Variants in RAPGEF5 observed in about 807,000 individuals in gnomAD.
The protein encoded by RAPGEF5 is Rap guanine nucleotide exchange factor 5.
In RAPGEF5, 65 loss-of-function variants were observed where a neutral mutation model predicts 125.2. The observed-to-expected ratio is 0.52, with a 90% CI of 0.43 to 0.64. RAPGEF5 has a LOEUF of 0.64. Ranked by LOEUF, RAPGEF5 falls within the 30% of genes least tolerant of loss-of-function variation. The pLI is 0.00. For missense variants in RAPGEF5, 958 were observed against 1,048.1 expected, an observed-to-expected ratio of 0.91 and a Z score of 1.19; for synonymous variants, 391 against 385.9, an observed-to-expected ratio of 1.01 and a Z score of -0.16.
chr7:22,343,513 A>AG (rs1784167107), intron 1 of RAPGEF5, among the ~76,000 whole-genome samples: 1 of 152,180 alleles, frequency 6.6e-6, no homozygotes, highest in Admixed American at 6.5e-5. Flanking sequence ...CCCAACCTTT[A>AG]CCACCCCAAT....
At chr7:22,312,132 C>T (rs2128153492) in intron 3 of RAPGEF5, among the ~76,000 whole-genome samples, 1 of 152,186 alleles carries the variant, frequency 6.6e-6, no homozygotes, top group African/African-American at 2.4e-5. Flanking sequence ...CAAAACTCTG[C>T]TTAGGAGTCA....
chr7:22,264,307 C>G (rs768353171), intron 7 of RAPGEF5, among the ~76,000 whole-genome samples: 7 of 152,200 alleles, frequency 4.6e-5, no homozygotes, highest in Non-Finnish European at 7.3e-5. Flanking sequence ...ATGTCCCCAT[C>G]ATTAGTACAA....
At chr7:22,124,967 A>T (rs192370482) in intron 25 of RAPGEF5, among the ~76,000 whole-genome samples, 1 of 152,178 alleles carries the variant, frequency 6.6e-6, no homozygotes, top group East Asian at 1.9e-4. Context: ...CTTCAACTCA[A>T]TGAAGTTGAT....
chr7:22,232,164 A>C (rs1452688877), intron 7 of RAPGEF5, among the ~76,000 whole-genome samples: 1 of 152,228 alleles, frequency 6.6e-6, no homozygotes, highest in Admixed American at 6.5e-5. Context: ...AGAAGCAATC[A>C]AGGATGACTC....
intron 7 of RAPGEF5, among the ~76,000 whole-genome samples, chr7:22,251,457 G>A (rs1786618196): frequency 6.6e-6 from 1 of 152,242 alleles, no homozygotes. Flanking sequence ...AGATTCATCT[G>A]GGAAGCAGCT....
At chr7:22,176,229 T>G (rs1784505005) in intron 11 of RAPGEF5, among the ~76,000 whole-genome samples, 1 of 152,118 alleles carries the variant, frequency 6.6e-6, no homozygotes, top group East Asian at 1.9e-4. Flanking sequence ...GGGAAAGACT[T>G]GCCCCATGAT....
chr7:22,350,098 A>G (rs1365290984), intron 1 of RAPGEF5, among the ~76,000 whole-genome samples: 1 of 152,228 alleles, frequency 6.6e-6, no homozygotes, highest in East Asian at 1.9e-4. Context: ...CTTCCAGATC[A>G]TATATCATTA....
chr7:22,333,479 G>A (rs1481753116), intron 1 of RAPGEF5, among the ~76,000 whole-genome samples: 1 of 152,140 alleles, frequency 6.6e-6, no homozygotes, highest in African/African-American at 2.4e-5. Flanking sequence ...CAAAAGAATG[G>A]ACAGCTGTAG....
At chr7:22,263,176 T>A (rs1342549655) in intron 7 of RAPGEF5, among the ~76,000 whole-genome samples, 1 of 152,186 alleles carries the variant, frequency 6.6e-6, no homozygotes, top group Non-Finnish European at 1.5e-5. Context: ...TAGTGGAAAG[T>A]CAGTGTAGCT....
chr7:22,282,226 T>C lies in RAPGEF5; in HGVS notation c.747+8949A>G, dbSNP rs538558347. ...ACCTTTACAGCTATTCACCTCTACA[T>C]GGTAAGCTCCTTGCACACATGGACC... On this transcript the variant is annotated intron_variant, in intron 6 of 25. Coordinates refer to ENST00000665637, the MANE Select transcript of RAPGEF5 (RefSeq NM_012294.5). Among the ~76,000 whole-genome samples the C allele has an allele frequency of 2.0e-5, 3 of 152,276 alleles. 1 individual carries two copies. In the South Asian group the frequency reaches 6.2e-4, roughly 32 times the overall value.
chr7:22,120,644 T>C lies in RAPGEF5; in HGVS notation c.*1762A>G, dbSNP rs1782555949. Reference sequence around the variant, plus strand: ...CGGTTCTCACGGCTCTGGTGTCCTGTGGGCCACATTCCATGACGGCAGCAT... The same window carrying C: ...CGGTTCTCACGGCTCTGGTGTCCTGCGGGCCACATTCCATGACGGCAGCAT... On this transcript the variant is annotated 3_prime_UTR_variant, in exon 26 of 26. Coordinates refer to ENST00000665637, the MANE Select transcript of RAPGEF5 (RefSeq NM_012294.5). The surrounding 1 kb of genome is among the most constrained non-coding windows in gnomAD (Gnocchi z 4.0). 1 of 152,670 alleles carries C rather than the reference T, an allele frequency of 6.6e-6. No homozygotes were observed. The highest frequency in any genetic ancestry group is 1.5e-5 in the Non-Finnish European group (1 of 68,094). 9.5% of individuals were successfully genotyped at this position (152,670 alleles called of 1,614,324 possible).
At chr7:22,126,270 G>T (rs769002614) in intron 24 of RAPGEF5, among the ~76,000 whole-genome samples, 1 of 152,186 alleles carries the variant, frequency 6.6e-6, no homozygotes, top group Admixed American at 6.5e-5. Flanking sequence ...GTTCACATTT[G>T]CACATGTGTT....
At chr7:22,197,011 G>A (rs956514879) in intron 9 of RAPGEF5, among the ~76,000 whole-genome samples, 4 of 152,132 alleles carry the variant, frequency 2.6e-5, no homozygotes, top group South Asian at 2.1e-4. Flanking sequence ...GAGAATATTC[G>A]AGTCATGGGG....
intron 8 of RAPGEF5, among the ~76,000 whole-genome samples, chr7:22,220,837 T>G (rs1785768419): frequency 6.6e-6 from 1 of 152,220 alleles, no homozygotes; most frequent in African/African-American, 2.4e-5. Context: ...AAAGTTATAC[T>G]TGGCAGGAGC....
chr7:22,322,100 G>A (rs577609481), intron 1 of RAPGEF5, among the ~76,000 whole-genome samples: 2 of 150,472 alleles, frequency 1.3e-5, no homozygotes, highest in Non-Finnish European at 3.0e-5. Flanking sequence ...CTGTGTGCCG[G>A]AGACTACACC....
At chr7:22,233,383 G>C (rs1296808566) in intron 7 of RAPGEF5, among the ~76,000 whole-genome samples, 2 of 152,110 alleles carry the variant, frequency 1.3e-5, no homozygotes, top group African/African-American at 2.4e-5. Flanking sequence ...TGAAAATGAA[G>C]AAAATTAAAT....
At chr7:22,295,660 C>T (rs1384821058) in intron 5 of RAPGEF5, among the ~76,000 whole-genome samples, 1 of 152,026 alleles carries the variant, frequency 6.6e-6, no homozygotes, top group East Asian at 1.9e-4. Flanking sequence ...TTTCATAACA[C>T]TTTTTACAAA....
intron 1 of RAPGEF5, among the ~76,000 whole-genome samples, chr7:22,339,843 G>A (rs1279258147): frequency 6.6e-6 from 1 of 152,114 alleles, no homozygotes; most frequent in Admixed American, 6.5e-5. Context: ...CAAGGCAGAG[G>A]TCACTATTTA....
intron 7 of RAPGEF5, among the ~76,000 whole-genome samples, chr7:22,257,328 G>A (rs1786786917): frequency 1.3e-5 from 2 of 152,120 alleles, no homozygotes; most frequent in Non-Finnish European, 2.9e-5. Flanking sequence ...TTCTGCAGCT[G>A]GAACTCTACT....
Sources: gnomAD v4.1 joint callset for allele counts (sites outside exome capture counted in the v4.1 genomes callset) on GRCh38, gnomAD v4.1.1 for gene constraint, Gnocchi (gnomAD v3.1) non-coding constraint, MANE v1.5 for transcripts, NCBI Gene and HGNC (gene_info 2026-07-23, HGNC 2026-07-21) for gene names.